PCDH9: variants seen among roughly 807,000 people sequenced by gnomAD.
PCDH9 encodes the protein protocadherin 9.
In PCDH9, 24 loss-of-function variants were observed where a neutral mutation model predicts 70.6. The observed-to-expected ratio is 0.34, with a 90% CI of 0.25 to 0.48. The LOEUF (loss-of-function observed/expected upper bound fraction) is 0.48, where lower values mean the gene tolerates loss of function less well. Ranked by LOEUF, PCDH9 falls within the 20% of genes least tolerant of loss-of-function variation. PCDH9 has a pLI of 0.99. For missense variants in PCDH9, 1,281 were observed against 1,503.6 expected (o/e 0.85, Z 2.45); for synonymous variants, 562 against 558.5 (o/e 1.01, Z -0.09).
At chr13:66,951,121 G>A (rs774747146) in intron 2 of PCDH9, among the ~76,000 whole-genome samples, 1 of 152,236 alleles carries the variant, frequency 6.6e-6, no homozygotes, top group East Asian at 1.9e-4. Flanking sequence ...ACACAGTGCC[G>A]CGTACAAATA....
chr13:66,352,050 G>A (rs1298614758), intron 4 of PCDH9, among the ~76,000 whole-genome samples: 1 of 152,018 alleles, frequency 6.6e-6, no homozygotes, highest in African/African-American at 2.4e-5. Flanking sequence ...TGGTCAGTCT[G>A]GTCTTGAACT....
At chr13:66,869,011 C>A (rs1025638113) in intron 3 of PCDH9, among the ~76,000 whole-genome samples, 2 of 152,032 alleles carry the variant, frequency 1.3e-5, no homozygotes, top group African/African-American at 4.8e-5. Flanking sequence ...ATAGGTTTGG[C>A]TCAACTGACT....
chr13:66,995,066 C>A (rs946409429), intron 2 of PCDH9, among the ~76,000 whole-genome samples: 1 of 152,190 alleles, frequency 6.6e-6, no homozygotes, highest in African/African-American at 2.4e-5. Context: ...AGTTTCCAGA[C>A]CACGGAGGGT....
At chr13:66,503,076 A>G (rs1042582513) in intron 4 of PCDH9, among the ~76,000 whole-genome samples, 18 of 152,202 alleles carry the variant, frequency 1.2e-4, no homozygotes, top group Admixed American at 1.2e-3. Flanking sequence ...AAACATAAAT[A>G]TAATTAAATA....
At chr13:66,523,037 T>C (rs1180091760) in intron 4 of PCDH9, among the ~76,000 whole-genome samples, 1 of 152,092 alleles carries the variant, frequency 6.6e-6, no homozygotes, top group African/African-American at 2.4e-5. Flanking sequence ...TGCATTTCTT[T>C]TACTTGCAGG....
chr13:66,750,451 G>A (rs180718366), intron 3 of PCDH9, among the ~76,000 whole-genome samples: 42 of 152,084 alleles, frequency 2.8e-4, no homozygotes, highest in African/African-American at 9.9e-4. Flanking sequence ...GACCAACTGT[G>A]TAAAGAAAGC....
intron 3 of PCDH9, among the ~76,000 whole-genome samples, chr13:66,874,944 A>ATGTGTGTGT (rs1566258236): frequency 6.7e-5 from 6 of 90,018 alleles, no homozygotes; most frequent in African/African-American, 2.1e-4. Context: ...TGTGTGTGTG[A>ATGTGTGTGT]GAGAGAGAGA....
intron 2 of PCDH9, among the ~76,000 whole-genome samples, chr13:67,173,367 A>C (rs568951884): frequency 2.6e-5 from 4 of 152,326 alleles, no homozygotes; most frequent in African/African-American, 9.6e-5. Flanking sequence ...AAATCAGAAA[A>C]TGTAGGGGTG....
At chr13:66,473,307 G>A (rs560286256) in intron 4 of PCDH9, among the ~76,000 whole-genome samples, 1 of 151,910 alleles carries the variant, frequency 6.6e-6, no homozygotes, top group African/African-American at 2.4e-5. Context: ...TTGATATATC[G>A]ATATTTGCTA....
intron 2 of PCDH9, among the ~76,000 whole-genome samples, chr13:67,188,033 A>G (rs1308305786): frequency 6.6e-6 from 1 of 152,170 alleles, no homozygotes; most frequent in African/African-American, 2.4e-5. Flanking sequence ...CACTCCTCCT[A>G]ATGAATTTCA....
intron 2 of PCDH9, chr13:67,203,724 A>G (rs1183736819): frequency 6.6e-6 from 1 of 152,134 alleles, no homozygotes; most frequent in Non-Finnish European, 1.5e-5. Context: ...TAAAAATCTA[A>G]AGATTAAAAC....
chr13:66,768,026 A>G (rs1283377088), intron 3 of PCDH9, among the ~76,000 whole-genome samples: 5 of 152,090 alleles, frequency 3.3e-5, no homozygotes, highest in African/African-American at 7.2e-5. Context: ...ATGAGGATTG[A>G]GCAAGCTCTA....
intron 4 of PCDH9, among the ~76,000 whole-genome samples, chr13:66,340,709 C>T (rs1235825579): frequency 1.3e-5 from 2 of 152,174 alleles, no homozygotes; most frequent in African/African-American, 4.8e-5. Flanking sequence ...TAGCCACAGG[C>T]ACTATCTGAT....
intron 2 of PCDH9, among the ~76,000 whole-genome samples, chr13:66,990,482 CT>C (rs1404211505): frequency 7.3e-5 from 11 of 150,734 alleles, no homozygotes; most frequent in Non-Finnish European, 1.0e-4. Context: ...ATATCATATT[CT>C]TTTTTATATG....
At chr13:67,140,431 A>T (rs1046842578) in intron 2 of PCDH9, among the ~76,000 whole-genome samples, 1 of 152,222 alleles carries the variant, frequency 6.6e-6, no homozygotes, top group African/African-American at 2.4e-5. Context: ...TAGAAATCAG[A>T]AAACCCAAGA....
intron 2 of PCDH9, among the ~76,000 whole-genome samples, chr13:67,083,511 A>C (rs2086029536): frequency 6.6e-6 from 1 of 152,200 alleles, no homozygotes; most frequent in African/African-American, 2.4e-5. Flanking sequence ...ACAGGAAAAT[A>C]ATCAGCTCTG....
intron 4 of PCDH9, among the ~76,000 whole-genome samples, chr13:66,316,796 C>G (rs1243235257): frequency 6.6e-6 from 1 of 152,148 alleles, no homozygotes; most frequent in East Asian, 1.9e-4. Context: ...GATCTTGGCT[C>G]ACTGCAACCT....
At chr13:67,169,052 C>T (rs2138438936) in intron 2 of PCDH9, among the ~76,000 whole-genome samples, 2 of 152,250 alleles carry the variant, frequency 1.3e-5, no homozygotes, top group South Asian at 4.1e-4. Context: ...TGGGACATCA[C>T]AAATAAAATT....
At chr13:67,107,181 T>G (rs1159809975) in intron 2 of PCDH9, among the ~76,000 whole-genome samples, 5 of 151,398 alleles carry the variant, frequency 3.3e-5, no homozygotes, top group African/African-American at 1.2e-4. Context: ...TTATGGTGCT[T>G]TTCATGGATC....
Sources: allele counts gnomAD v4.1 joint callset (sites outside exome capture counted in the v4.1 genomes callset), GRCh38; gene constraint gnomAD v4.1.1; transcripts MANE v1.5; gene names NCBI Gene and HGNC (gene_info 2026-07-23, HGNC 2026-07-21).